ASPH: variants seen among roughly 807,000 people sequenced by gnomAD.
ASPH encodes the protein aspartyl/asparaginyl beta-hydroxylase.
ASPH carries 100 observed loss-of-function variants against 118.4 expected under a neutral mutation model. That is an observed-to-expected ratio of 0.84 (90% CI 0.72 to 1.00). The LOEUF (loss-of-function observed/expected upper bound fraction) is 1.00, where lower values mean the gene tolerates loss of function less well. Among genes scored for constraint, ASPH ranks in the 50% least tolerant of loss-of-function variants. The pLI is 0.00. For missense variants in ASPH, 920 were observed against 919.5 expected (o/e 1.00, Z -0.01); for synonymous variants, 315 against 325.6 (o/e 0.97, Z 0.35).
At chr8:61,711,227 T>C (rs1837984882) in intron 1 of ASPH, among the ~76,000 whole-genome samples, 3 of 152,048 alleles carry the variant, frequency 2.0e-5, no homozygotes, top group African/African-American at 2.4e-5. Flanking sequence ...TGCTAGGAGA[T>C]ACAGGGAGTT....
intron 3 of ASPH, chr8:61,668,426 T>G: frequency 1.7e-6 from 1 of 602,422 alleles, no homozygotes; most frequent in Non-Finnish European, 2.8e-6. Flanking sequence ...AATATCTCTC[T>G]TATTTGTCAC....
rs894386701 is a variant in ASPH at position 61,564,500 on chromosome 8, T to C, written c.1301-1620A>G. ...TTTCAGTAGAGACCAGGTTTCACCATGTTGGCCAGGCAGGTCTGGAACTCC... is the reference window on the plus strand; with the variant it reads ...TTTCAGTAGAGACCAGGTTTCACCACGTTGGCCAGGCAGGTCTGGAACTCC... On this transcript the variant is annotated intron_variant, in intron 17 of 24. Transcript: ENST00000379454. 2.0e-5 allele frequency among the ~76,000 whole-genome samples: 3 copies of C among 152,068 alleles called. No homozygotes were observed. The East Asian group carries it at 5.8e-4, about 29-fold the overall frequency.
chr8:61,518,120 C>T lies in ASPH; in HGVS notation c.1904G>A (p.Arg635Lys), dbSNP rs1407300523. The change falls in exon 23 of 25, where the codon AGA (arginine) becomes AAA (lysine). Residue 635 changes from arginine to lysine, a missense_variant. By Grantham distance (26) the Arg-to-Lys change is conservative (BLOSUM62 2). Transcript: ENST00000379454. Reference protein sequence around the residue: ...WSQFTLWQQGRRNENACKGAP... With the variant: ...WSQFTLWQQGKRNENACKGAP... ...TCCTTTGCAGGCATTTTCATTTCTTCTTCCTAGAATAAATAACATAATTGT... is the reference window on the plus strand; with the variant it reads ...TCCTTTGCAGGCATTTTCATTTCTTTTTCCTAGAATAAATAACATAATTGT... 2 of 1,612,244 alleles carry T rather than the reference C, an allele frequency of 1.2e-6. No individual in the cohort carries two copies. The highest frequency in any genetic ancestry group is 1.7e-6 in the Non-Finnish European group (2 of 1,178,534).
intron 12 of ASPH, among the ~76,000 whole-genome samples, chr8:61,634,728 A>G (rs1857012208): frequency 6.6e-6 from 1 of 152,172 alleles, no homozygotes; most frequent in Admixed American, 6.5e-5. Context: ...TTGGAGACAT[A>G]TTAACACTTT....
chr8:61,652,124 C>A (rs1370581588), intron 4 of ASPH, among the ~76,000 whole-genome samples: 4 of 152,200 alleles, frequency 2.6e-5, no homozygotes, highest in African/African-American at 9.6e-5. Flanking sequence ...TTATATTTCA[C>A]AAGCCATTTA....
chr8:61,539,704 GTGTGT>G (rs1821104854), intron 21 of ASPH, among the ~76,000 whole-genome samples: 3 of 59,798 alleles, frequency 5.0e-5, no homozygotes, highest in Non-Finnish European at 5.7e-5. Context: ...TCTGGGGTGT[GTGTGT>G]GTGTGTGTGT....
intron 21 of ASPH, among the ~76,000 whole-genome samples, chr8:61,533,182 C>T (rs977033164): frequency 2.6e-5 from 4 of 150,988 alleles, no homozygotes; most frequent in African/African-American, 4.9e-5. Flanking sequence ...CTCTAATCAT[C>T]CTATGTTTTC....
At chr8:61,704,312 A>AAAG (rs1366543740) in intron 1 of ASPH, among the ~76,000 whole-genome samples, 1 of 151,730 alleles carries the variant, frequency 6.6e-6, no homozygotes, top group Non-Finnish European at 1.5e-5. Flanking sequence ...TCCAATAATG[A>AAAG]AAGCAAAGTC....
At chr8:61,688,402 T>C (rs13257276) in intron 1 of ASPH, among the ~76,000 whole-genome samples, 23,158 of 151,998 alleles carry the variant, frequency 0.15, 1,846 homozygotes, top group African/African-American at 0.2. Flanking sequence ...GAAATTACTA[T>C]GGCAAGCAAC....
intron 16 of ASPH, among the ~76,000 whole-genome samples, chr8:61,571,500 G>A (rs771528298): frequency 7.9e-5 from 12 of 152,062 alleles, no homozygotes; most frequent in Non-Finnish European, 1.6e-4. Context: ...CCAATACAAT[G>A]TAACTTCTAT....
intron 14 of ASPH, among the ~76,000 whole-genome samples, chr8:61,614,668 T>C (rs563551084): frequency 6.6e-6 from 1 of 152,222 alleles, no homozygotes; most frequent in South Asian, 2.1e-4. Flanking sequence ...TTGTTGTTGT[T>C]GTTTGTTGAG....
chr8:61,590,043 T>C (rs150059321), intron 14 of ASPH, among the ~76,000 whole-genome samples: 1 of 152,032 alleles, frequency 6.6e-6, no homozygotes, highest in East Asian at 1.9e-4. Context: ...TTTTTGTTTG[T>C]TTTTTGGTTT....
At chr8:61,674,363 T>C (rs1012041199) in intron 3 of ASPH, among the ~76,000 whole-genome samples, 2 of 152,236 alleles carry the variant, frequency 1.3e-5, no homozygotes, top group Admixed American at 1.3e-4. Context: ...TTGCAGAACA[T>C]GCTACTAAGT....
chr8:61,647,273 C>G (rs1355306914), intron 5 of ASPH, among the ~76,000 whole-genome samples: 1 of 152,182 alleles, frequency 6.6e-6, no homozygotes, highest in African/African-American at 2.4e-5. Context: ...AAAGAAAAGG[C>G]TACTCTATGG....
At chr8:61,642,655 C>A (rs971798680) in intron 10 of ASPH, among the ~76,000 whole-genome samples, 2 of 151,868 alleles carry the variant, frequency 1.3e-5, no homozygotes, top group African/African-American at 4.8e-5. Flanking sequence ...CACCTGAGAT[C>A]GGGAGTTTGA....
intron 1 of ASPH, among the ~76,000 whole-genome samples, chr8:61,710,727 C>T (rs1189864366): frequency 1.3e-5 from 2 of 152,112 alleles, no homozygotes. Context: ...AAGCAATTGG[C>T]TCTGATGGTC....
chr8:61,681,138 C>G, intron 2 of ASPH, 102 bp from the exon 3 acceptor site: 1 of 848,100 alleles, frequency 1.2e-6, no homozygotes, highest in Admixed American at 2.9e-5. Flanking sequence ...ATAAATGTTA[C>G]CAATTAATAC....
chr8:61,690,364 G>C (rs569315163), intron 1 of ASPH, among the ~76,000 whole-genome samples: 1 of 152,160 alleles, frequency 6.6e-6, no homozygotes, highest in South Asian at 2.1e-4. Context: ...AGGGACAGAG[G>C]ACTGGTGGGA....
intron 3 of ASPH, chr8:61,676,375 AAAG>A: frequency 6.8e-7 from 1 of 1,473,264 alleles, no homozygotes; most frequent in Non-Finnish European, 9.0e-7. Flanking sequence ...TAGGTGGAAA[AAAG>A]AAGTGGAGGA....
Sources: allele counts gnomAD v4.1 joint callset (sites outside exome capture counted in the v4.1 genomes callset), GRCh38; gene constraint gnomAD v4.1.1; transcripts MANE v1.5; gene names NCBI Gene and HGNC (gene_info 2026-07-23, HGNC 2026-07-21).